CCNY: variants seen among roughly 807,000 people sequenced by gnomAD.
CCNY encodes the protein cyclin Y.
CCNY carries 19 observed loss-of-function variants against 42.8 expected under a neutral mutation model. The observed-to-expected ratio is 0.44, with a 90% confidence interval of 0.31 to 0.65. CCNY has a LOEUF of 0.65. Ranked by LOEUF, CCNY falls within the 30% of genes least tolerant of loss-of-function variation. The pLI is 0.07. For synonymous variants in CCNY, 165 were observed against 162.7 expected (o/e 1.01, Z -0.11); for missense variants, 370 against 437.3 (o/e 0.85, Z 1.37).
intron 3 of CCNY, among the ~76,000 whole-genome samples, chr10:35,505,502 A>G (rs1840197890): frequency 6.6e-6 from 1 of 152,194 alleles, no homozygotes; most frequent in Non-Finnish European, 1.5e-5. Flanking sequence ...GTTACTTATC[A>G]GCTAAGCAAG....
At chr10:35,365,966 G>C (rs1228758366) in intron 1 of CCNY, among the ~76,000 whole-genome samples, 1 of 152,208 alleles carries the variant, frequency 6.6e-6, no homozygotes, top group African/African-American at 2.4e-5. Flanking sequence ...CTTCTATTTG[G>C]ATGGTTGAAA....
intron 3 of CCNY, among the ~76,000 whole-genome samples, chr10:35,302,270 T>C (rs1835546506): frequency 6.6e-6 from 1 of 151,726 alleles, no homozygotes; most frequent in East Asian, 1.9e-4. Context: ...CTCATTGCTA[T>C]TTTTCTATCA....
At chr10:35,526,889 G>A (rs971957379) in intron 5 of CCNY, among the ~76,000 whole-genome samples, 24 of 152,140 alleles carry the variant, frequency 1.6e-4, no homozygotes, top group African/African-American at 5.1e-4. Context: ...ATTCATGTAT[G>A]TTACACGAGT....
chr10:35,272,874 C>T (rs1835188685), intron 3 of CCNY, among the ~76,000 whole-genome samples: 1 of 151,830 alleles, frequency 6.6e-6, no homozygotes, highest in Non-Finnish European at 1.5e-5. Flanking sequence ...AACTAATTTA[C>T]ACTCCCACCA....
chr10:35,498,623 G>A (rs1235035541), intron 2 of CCNY, among the ~76,000 whole-genome samples: 1 of 152,224 alleles, frequency 6.6e-6, no homozygotes, highest in Non-Finnish European at 1.5e-5. Flanking sequence ...GATGGTCAGA[G>A]TAATGGGTCA....
At chr10:35,307,760 ATGTGTGTGTGTGTGTGTGTG>A (rs60407989) in intron 3 of CCNY, among the ~76,000 whole-genome samples, 2 of 116,160 alleles carry the variant, frequency 1.7e-5, no homozygotes, top group African/African-American at 6.9e-5. Flanking sequence ...ATGTGTATAT[ATGTGTGTGTGTGTGTGTGTG>A]TGTGTGTGTG....
At chr10:35,532,612 T>A (rs549889741) in intron 7 of CCNY, among the ~76,000 whole-genome samples, 1 of 152,346 alleles carries the variant, frequency 6.6e-6, no homozygotes, top group South Asian at 2.1e-4. Flanking sequence ...CATGAGGAAA[T>A]TTGAAAGGGA....
intron 3 of CCNY, among the ~76,000 whole-genome samples, chr10:35,303,509 G>T (rs1416621483): frequency 1.3e-5 from 2 of 151,630 alleles, no homozygotes; most frequent in African/African-American, 4.8e-5. Context: ...CAGGCATGGT[G>T]GCTCGTGCCT....
intron 3 of CCNY, among the ~76,000 whole-genome samples, chr10:35,253,414 A>AATTTTTTTTTTTTTT (rs775450185): frequency 1.1e-5 from 1 of 89,036 alleles, no homozygotes. Flanking sequence ...CATGCTCACT[A>AATTTTTTTTTTTTTT]TTTTTTTTTT....
rs10558250 is a variant in CCNY, at chr10:35,412,860, CAAAAAAAAAAAAAAA to C, written c.155-70530_155-70516del. 5.2e-4 allele frequency among the ~76,000 whole-genome samples: 18 copies of C among 34,768 alleles called. 1 individual carries two copies. The South Asian group carries it at 0.026, about 50-fold the overall frequency. 22.8% of individuals were successfully genotyped at this position (34,768 alleles called of 152,430 possible). On this transcript the variant is annotated intron_variant, in intron 1 of 9. Coordinates refer to ENST00000374704, the MANE Select transcript of CCNY (RefSeq NM_145012.6). ...TGGGCGACAGAGCGAGACTCTGTCT[CAAAAAAAAAAAAAAA>C]AAAAAAAAAAAAAGAATTTGCGCGG...
chr10:35,258,258 C>G (rs1297847168), intron 3 of CCNY, among the ~76,000 whole-genome samples: 2 of 152,204 alleles, frequency 1.3e-5, no homozygotes, highest in African/African-American at 4.8e-5. Context: ...TTGTTAACAA[C>G]TGCCTTTGTG....
intron 1 of CCNY, among the ~76,000 whole-genome samples, chr10:35,388,290 G>C (rs930954101): frequency 6.6e-5 from 10 of 152,206 alleles, no homozygotes; most frequent in Non-Finnish European, 8.8e-5. Context: ...AAAATAGATT[G>C]TCTGAGAGCA....
At chr10:35,254,138 A>G (rs2095713935) in intron 3 of CCNY, among the ~76,000 whole-genome samples, 1 of 152,042 alleles carries the variant, frequency 6.6e-6, no homozygotes, top group Non-Finnish European at 1.5e-5. Flanking sequence ...CAGCCTCCCA[A>G]AGTGCTGGGA....
At chr10:35,524,328 A>G (rs1221314969) in intron 4 of CCNY, among the ~76,000 whole-genome samples, 1 of 152,232 alleles carries the variant, frequency 6.6e-6, no homozygotes, top group African/African-American at 2.4e-5. Context: ...TGTTAGGAGA[A>G]AAAGGATGTA....
chr10:35,357,856 C>G (rs1468018830), intron 1 of CCNY, among the ~76,000 whole-genome samples: 3 of 152,072 alleles, frequency 2.0e-5, no homozygotes, highest in Non-Finnish European at 4.4e-5. Context: ...AAAGCTCTCC[C>G]TTCTCATCAT....
intron 1 of CCNY, among the ~76,000 whole-genome samples, chr10:35,450,359 C>T (rs186351966): frequency 3.3e-5 from 5 of 152,092 alleles, no homozygotes; most frequent in Non-Finnish European, 5.9e-5. Context: ...GCAGTGGCAT[C>T]CTGGGTTTTA....
intron 1 of CCNY, among the ~76,000 whole-genome samples, chr10:35,385,240 T>C (rs1837278223): frequency 6.6e-6 from 1 of 152,234 alleles, no homozygotes; most frequent in African/African-American, 2.4e-5. Flanking sequence ...CAAATTATCA[T>C]ACTCTTATTG....
intron 7 of CCNY, among the ~76,000 whole-genome samples, chr10:35,548,875 T>C (rs1841178706): frequency 6.6e-6 from 1 of 152,194 alleles, no homozygotes; most frequent in African/African-American, 2.4e-5. Context: ...GGATTTTTAC[T>C]TTGTCTTCAG....
At chr10:35,487,453 C>A (rs1839811148) in intron 2 of CCNY, among the ~76,000 whole-genome samples, 1 of 152,244 alleles carries the variant, frequency 6.6e-6, no homozygotes, top group Middle Eastern at 3.4e-3. Context: ...ACCCCACATT[C>A]TCTTTCCCCT....
Sources: gnomAD v4.1 joint callset for allele counts (sites outside exome capture counted in the v4.1 genomes callset) on GRCh38, gnomAD v4.1.1 for gene constraint, MANE v1.5 for transcripts, NCBI Gene and HGNC (gene_info 2026-07-23, HGNC 2026-07-21) for gene names.